Variants in TBC1D1 observed in about 807,000 individuals in gnomAD.
TBC1D1 encodes the protein TBC1 domain family member 1, also known as TBC1 (tre-2/USP6, BUB2, cdc16) domain family, member 1.
Under a neutral mutation model 125.6 loss-of-function variants are expected in TBC1D1, and 89 were observed. That is an observed-to-expected ratio of 0.71 (90% CI 0.60 to 0.85). The LOEUF (loss-of-function observed/expected upper bound fraction) is 0.85, where lower values mean the gene tolerates loss of function less well. TBC1D1 is among the 40% of genes least tolerant of loss of function. The pLI is 0.00. For synonymous variants in TBC1D1, 565 were observed against 564.1 expected (o/e 1.00, Z -0.02); for missense variants, 1,377 against 1,469.2 (o/e 0.94, Z 1.03).
At position 38,138,189 on chromosome 4, in the gene TBC1D1, A is replaced by C. The variant is rs765363032; in HGVS notation, c.*854A>C. On this transcript the variant is annotated 3_prime_UTR_variant, in exon 20 of 20. Coordinates refer to ENST00000261439, the MANE Select transcript of TBC1D1 (RefSeq NM_015173.4). ...GCTTATCCCATAAGTACAGTTGATC[A>C]AAGTCATAGTAGGTAAATGCTTTAT... 6.6e-6 allele frequency: 1 copy of C among 152,216 alleles called. No homozygotes were observed. Among genetic ancestry groups the C allele is most frequent in the Non-Finnish European group, 1.5e-5 (1 of 68,032 alleles). The allele number at this position is 152,216 out of a possible 1,614,324, so 9.4% of individuals were successfully genotyped here. A position where few individuals can be genotyped will look rare whatever the true frequency, so the allele number is the denominator to read the frequency against.
At position 38,015,018 on chromosome 4, in the gene TBC1D1, C is replaced by T. The variant is rs564387021; in HGVS notation, c.882+45C>T. 5 of 1,469,954 alleles carry T rather than the reference C, an allele frequency of 3.4e-6. No individual in the cohort carries two copies. The South Asian group carries it at 5.6e-5, about 16-fold the overall frequency. The allele number at this position is 1,469,954 out of a possible 1,614,324, so 91.1% of individuals were successfully genotyped here. ...GTGCACAGCCCCAGTCTGCCATACGCTTTCAAGAGAAAATCTGCTTTATGG... is the reference window on the plus strand; with the variant it reads ...GTGCACAGCCCCAGTCTGCCATACGTTTTCAAGAGAAAATCTGCTTTATGG... On this transcript the variant is annotated intron_variant, in intron 3 of 19. Coordinates refer to ENST00000261439, the MANE Select transcript of TBC1D1 (RefSeq NM_015173.4).
chr4:38,054,829 G>T (rs1751382212), intron 12 of TBC1D1, among the ~76,000 whole-genome samples: 1 of 152,110 alleles, frequency 6.6e-6, no homozygotes, highest in South Asian at 2.1e-4. Context: ...TACTTCCGGG[G>T]TCTTGCGTTC....
intron 2 of TBC1D1, among the ~76,000 whole-genome samples, chr4:37,935,467 A>G (rs2381130): frequency 0.28 from 42,099 of 152,058 alleles, 6,354 homozygotes; most frequent in East Asian, 0.54. Flanking sequence ...ATCATCCCAG[A>G]TCCAGCTATC....
At chr4:38,043,589 T>TTAA (rs1748834193) in intron 8 of TBC1D1, among the ~76,000 whole-genome samples, 2 of 78,278 alleles carry the variant, frequency 2.6e-5, no homozygotes, top group African/African-American at 1.7e-4. Context: ...GCACCCTGTC[T>TTAA]CAAAAAAAAA....
chr4:37,938,986 A>G (rs1724974987), intron 2 of TBC1D1, among the ~76,000 whole-genome samples: 1 of 152,326 alleles, frequency 6.6e-6, no homozygotes, highest in Middle Eastern at 3.4e-3. Flanking sequence ...CAATAAACAT[A>G]CGTGTGCATG....
At chr4:37,892,393 G>A (rs1006570861) in intron 1 of TBC1D1, among the ~76,000 whole-genome samples, 1 of 152,026 alleles carries the variant, frequency 6.6e-6, no homozygotes, top group African/African-American at 2.4e-5. Context: ...TGGAGCCTGG[G>A]TGACAAAGTG....
At chr4:38,073,586 A>C (rs770734707) in intron 12 of TBC1D1, among the ~76,000 whole-genome samples, 4 of 152,004 alleles carry the variant, frequency 2.6e-5, no homozygotes, top group African/African-American at 4.8e-5. Context: ...TTGATTTTCT[A>C]CTGTTGAGTA....
rs201580466 is a variant in TBC1D1, at chr4:38,021,680, C to T, written c.1172C>T (p.Pro391Leu). 6.3e-7 allele frequency: 1 copy of T among 1,589,998 alleles called. No individual in the cohort carries two copies. Among genetic ancestry groups the T allele is most frequent in the Non-Finnish European group, 8.6e-7 (1 of 1,168,792 alleles). Residue 391 changes from proline to leucine, a missense_variant, in exon 6 of 20, where the codon CCC becomes CTC. Physicochemically the swap from Pro to Leu is moderately conservative, Grantham distance 98. Coordinates refer to ENST00000261439, the MANE Select transcript of TBC1D1 (RefSeq NM_015173.4). ...CCAGCCCAGCTGTGTGAGGGCTGCC[C>T]CCTGCAAAGCCTGCACAAGCTCTGT...
chr4:38,128,779 A>C (rs1372674675), intron 18 of TBC1D1, among the ~76,000 whole-genome samples: 1 of 152,202 alleles, frequency 6.6e-6, no homozygotes, highest in Non-Finnish European at 1.5e-5. Context: ...CAGTGTACTT[A>C]CCAAAGGACC....
At chr4:37,906,884 G>C (rs1337420592) in intron 2 of TBC1D1, among the ~76,000 whole-genome samples, 1 of 152,160 alleles carries the variant, frequency 6.6e-6, no homozygotes, top group Non-Finnish European at 1.5e-5. Context: ...ACTCCTCAAA[G>C]TTGTTAAGGA....
intron 2 of TBC1D1, chr4:37,960,883 A>C (rs1729899618): frequency 6.2e-7 from 1 of 1,613,996 alleles, no homozygotes; most frequent in African/African-American, 1.3e-5. Context: ...ATGATCCTTG[A>C]TGAGGAGGGA....
At chr4:38,111,907 T>A in intron 15 of TBC1D1, 1 of 985,346 alleles carries the variant, frequency 1.0e-6, no homozygotes, top group Non-Finnish European at 1.2e-6. Flanking sequence ...GACTCACAGC[T>A]GTTCCCCAGC....
At chr4:38,051,722 C>T (rs968167239) in intron 11 of TBC1D1, among the ~76,000 whole-genome samples, 177 bp from the exon 12 acceptor site, 4 of 152,168 alleles carry the variant, frequency 2.6e-5, no homozygotes, top group Non-Finnish European at 5.9e-5. Flanking sequence ...CTGAAAACTA[C>T]CTTTGCCAGA....
chr4:38,083,117 T>C (rs6828205), intron 12 of TBC1D1, among the ~76,000 whole-genome samples: 8,116 of 152,226 alleles, frequency 0.053, 703 homozygotes, highest in African/African-American at 0.18. Context: ...TTCTTCTCAC[T>C]GTTTGGTAGT....
rs201479969 is a variant in TBC1D1, at chr4:37,967,055, A to AT, written c.418-47445dup. 1.8e-4 allele frequency among the ~76,000 whole-genome samples: 27 copies of AT among 151,524 alleles called. No individual in the cohort carries two copies. The East Asian group carries it at 2.9e-3, about 16-fold the overall frequency. On this transcript the variant is annotated intron_variant, in intron 2 of 19. Coordinates refer to ENST00000261439, the MANE Select transcript of TBC1D1 (RefSeq NM_015173.4). ...CATTTCTGCAGAGGTTTGTGGCACC[A>AT]TTTTTTTTTCCAGGTGCTTGCTGTG...
At chr4:38,094,583 G>A (rs1241160525) in intron 13 of TBC1D1, among the ~76,000 whole-genome samples, 2 of 152,138 alleles carry the variant, frequency 1.3e-5, no homozygotes, top group Non-Finnish European at 2.9e-5. Flanking sequence ...GTTAGGATAC[G>A]GAAACAGCAG....
At chr4:38,131,152 G>T (rs982406631) in intron 18 of TBC1D1, among the ~76,000 whole-genome samples, 1 of 152,182 alleles carries the variant, frequency 6.6e-6, no homozygotes, top group Non-Finnish European at 1.5e-5. Flanking sequence ...GGTTCCTAGG[G>T]ATTAATGGAG....
At chr4:38,010,214 T>C (rs992815037) in intron 2 of TBC1D1, among the ~76,000 whole-genome samples, 1 of 152,242 alleles carries the variant, frequency 6.6e-6, no homozygotes, top group Admixed American at 6.5e-5. Context: ...TTTACTTATC[T>C]GTATGAGCCA....
At chr4:38,005,392 A>G (rs999889995) in intron 2 of TBC1D1, among the ~76,000 whole-genome samples, 1 of 152,168 alleles carries the variant, frequency 6.6e-6, no homozygotes, top group South Asian at 2.1e-4. Flanking sequence ...AATCTTGGGT[A>G]TTGTACATTA....
Sources: gnomAD v4.1 joint callset for allele counts (sites outside exome capture counted in the v4.1 genomes callset) on GRCh38, gnomAD v4.1.1 for gene constraint, MANE v1.5 for transcripts, NCBI Gene and HGNC (gene_info 2026-07-23, HGNC 2026-07-21) for gene names.